Variants in CSMD1 observed in about 807,000 individuals in gnomAD.
CSMD1 encodes the protein CUB and Sushi multiple domains 1.
CSMD1 carries 213 observed loss-of-function variants against 417.5 expected under a neutral mutation model. The ratio of observed to expected loss-of-function variants is 0.51; its 90% CI spans 0.46 to 0.57. The LOEUF is 0.57. CSMD1 is among the 20% of genes least tolerant of loss of function. The probability of loss-of-function intolerance (pLI) is 0.00; values close to 1 mark genes in which losing one functional copy is unlikely to be tolerated. For synonymous variants in CSMD1, 2,862 were observed against 1,736.8 expected (o/e 1.65, Z -16.11); for missense variants, 6,923 against 4,529.7 (o/e 1.53, Z -15.17).
intron 2 of CSMD1, among the ~76,000 whole-genome samples, chr8:4,467,237 C>A (rs1390648635): frequency 6.6e-6 from 1 of 151,982 alleles, no homozygotes; most frequent in Non-Finnish European, 1.5e-5. Flanking sequence ...CTCCCAGGGA[C>A]ACATTCCAGC....
Position 4,189,762 on chromosome 8 carries a change from G to C in CSMD1, c.416-157663C>G, listed in dbSNP as rs542275279. 2.0e-4 allele frequency among the ~76,000 whole-genome samples: 30 copies of C among 152,214 alleles called. 1 individual carries two copies. The highest frequency in any genetic ancestry group is 3.9e-4 in the Admixed American group (6 of 15,270). ...ATTAGAAATCTTGATAAATTATGAA[G>C]ATTAAACAGGCACACAAAGGATAAT... On this transcript the variant is annotated intron_variant, in intron 3 of 69. Coordinates refer to ENST00000635120, the MANE Select transcript of CSMD1 (RefSeq NM_033225.6).
At chr8:4,311,289 C>G (rs952434759) in intron 3 of CSMD1, among the ~76,000 whole-genome samples, 8 of 152,256 alleles carry the variant, frequency 5.3e-5, no homozygotes, top group Non-Finnish European at 1.0e-4. Flanking sequence ...GAAAATGTGG[C>G]ACATGTACAC....
intron 1 of CSMD1, among the ~76,000 whole-genome samples, chr8:4,951,070 T>A (rs1389787313): frequency 6.6e-6 from 1 of 151,992 alleles, no homozygotes; most frequent in Non-Finnish European, 1.5e-5. Flanking sequence ...ATACAAATAA[T>A]AAATGAAGAA....
At chr8:4,446,791 G>C (rs1189788066) in intron 2 of CSMD1, among the ~76,000 whole-genome samples, 2 of 129,226 alleles carry the variant, frequency 1.5e-5, no homozygotes, top group Non-Finnish European at 1.6e-5. Context: ...GTGTGTGTGT[G>C]TGTGTATTTT....
chr8:4,339,862 A>G (rs1015698693), intron 3 of CSMD1, among the ~76,000 whole-genome samples: 2 of 152,044 alleles, frequency 1.3e-5, no homozygotes, highest in Non-Finnish European at 2.9e-5. Flanking sequence ...CATCTCTACA[A>G]AAACTTAAAA....
At chr8:3,337,190 A>C (rs550486722) in intron 23 of CSMD1, among the ~76,000 whole-genome samples, 2 of 152,312 alleles carry the variant, frequency 1.3e-5, no homozygotes, top group African/African-American at 4.8e-5. Flanking sequence ...GACTCGCCCT[A>C]TCCCCATCTT....
chr8:3,460,712 G>C (rs915423037), intron 12 of CSMD1, among the ~76,000 whole-genome samples: 1 of 152,190 alleles, frequency 6.6e-6, no homozygotes, highest in East Asian at 1.9e-4. Flanking sequence ...ATGTCGCTAA[G>C]AAGAAATAAC....
intron 3 of CSMD1, among the ~76,000 whole-genome samples, chr8:4,262,648 C>G (rs1803968996): frequency 6.6e-6 from 1 of 152,052 alleles, no homozygotes; most frequent in Non-Finnish European, 1.5e-5. Context: ...TAGCCTGGGG[C>G]TGAAAGAGTA....
chr8:3,973,729 C>A (rs981827768), intron 5 of CSMD1, among the ~76,000 whole-genome samples: 1 of 152,202 alleles, frequency 6.6e-6, no homozygotes, highest in African/African-American at 2.4e-5. Flanking sequence ...AGAACAGTGG[C>A]TATTTCATTG....
At chr8:3,312,901 T>C (rs1805461119) in intron 23 of CSMD1, among the ~76,000 whole-genome samples, 1 of 152,220 alleles carries the variant, frequency 6.6e-6, no homozygotes, top group Non-Finnish European at 1.5e-5. Flanking sequence ...TGTTTCCCTC[T>C]CTGCAAATTG....
chr8:3,267,012 G>A (rs1801484857), intron 26 of CSMD1, among the ~76,000 whole-genome samples: 1 of 152,164 alleles, frequency 6.6e-6, no homozygotes, highest in South Asian at 2.1e-4. Flanking sequence ...GTGAACGATG[G>A]TAGTTTTAGG....
intron 3 of CSMD1, among the ~76,000 whole-genome samples, chr8:4,386,354 C>G (rs1803454294): frequency 6.6e-6 from 1 of 151,928 alleles, no homozygotes; most frequent in Non-Finnish European, 1.5e-5. Flanking sequence ...TTCCATCCCA[C>G]TCAAACAATA....
At chr8:4,020,152 T>C (rs1302468546) in intron 4 of CSMD1, among the ~76,000 whole-genome samples, 2 of 152,158 alleles carry the variant, frequency 1.3e-5, no homozygotes, top group Non-Finnish European at 2.9e-5. Flanking sequence ...GGTTATGCCA[T>C]TTAATCTTTA....
chr8:4,921,227 C>T (rs4579549), intron 1 of CSMD1, among the ~76,000 whole-genome samples: 1 of 151,982 alleles, frequency 6.6e-6, no homozygotes, highest in East Asian at 1.9e-4. Context: ...ACGTTCCATT[C>T]AGAAACCTCT....
At chr8:4,413,136 G>T (rs1796739885) in intron 3 of CSMD1, among the ~76,000 whole-genome samples, 1 of 152,170 alleles carries the variant, frequency 6.6e-6, no homozygotes, top group South Asian at 2.1e-4. Context: ...TATAGAATAT[G>T]GACAGTCTCA....
intron 12 of CSMD1, among the ~76,000 whole-genome samples, chr8:3,459,446 A>T (rs1311451653): frequency 6.6e-6 from 1 of 152,104 alleles, no homozygotes; most frequent in Non-Finnish European, 1.5e-5. Flanking sequence ...TTTTAAGCCC[A>T]CCCTGACCTG....
At chr8:3,838,900 AT>A (rs1453844283) in intron 5 of CSMD1, among the ~76,000 whole-genome samples, 4 of 98,958 alleles carry the variant, frequency 4.0e-5, no homozygotes, top group African/African-American at 2.0e-4. Context: ...ATATAATAAT[AT>A]ATACTCTAGA....
At position 3,331,230 on chromosome 8, in the gene CSMD1, T is replaced by TC. The variant is rs1806873712; in HGVS notation, c.3631+12063dup. On this transcript the variant is annotated intron_variant, in intron 23 of 69. Coordinates refer to ENST00000635120, the MANE Select transcript of CSMD1 (RefSeq NM_033225.6). ...TCCAGCCTGGCCGACAGAACGAGAC[T>TC]CCGTCTCAAAAAAAAAAAAAAAGAA... 6.7e-5 allele frequency among the ~76,000 whole-genome samples: 8 copies of TC among 119,560 alleles called. 1 individual carries two copies. The South Asian group carries it at 2.4e-3, about 36-fold the overall frequency. The allele number at this position is 119,560 out of a possible 152,430, so 78.4% of individuals were successfully genotyped here.
intron 4 of CSMD1, among the ~76,000 whole-genome samples, chr8:4,002,509 C>T (rs955016181): frequency 1.3e-5 from 2 of 152,020 alleles, no homozygotes; most frequent in East Asian, 1.9e-4. Flanking sequence ...ATAAATAATG[C>T]CACAGAGGAA....
Sources: allele counts gnomAD v4.1 joint callset (sites outside exome capture counted in the v4.1 genomes callset), GRCh38; gene constraint gnomAD v4.1.1; transcripts MANE v1.5; gene names NCBI Gene and HGNC (gene_info 2026-07-23, HGNC 2026-07-21).